Variants in NEK11 observed in about 807,000 individuals in gnomAD.
NEK11 encodes serine/threonine-protein kinase Nek11.
NEK11 carries 72 observed loss-of-function variants against 80.7 expected under a neutral mutation model. That is an observed-to-expected ratio of 0.89 (90% CI 0.74 to 1.08). The LOEUF (loss-of-function observed/expected upper bound fraction) is 1.08, where lower values mean the gene tolerates loss of function less well. NEK11 is among the 50% of genes least tolerant of loss of function. NEK11 has a pLI of 0.00. For missense variants in NEK11, 764 were observed against 763.6 expected (o/e 1.00, Z -0.01); for synonymous variants, 251 against 260.7 (o/e 0.96, Z 0.36).
chr3:131,032,921 A>G (rs893379491), intron 3 of NEK11, among the ~76,000 whole-genome samples: 13 of 152,366 alleles, frequency 8.5e-5, no homozygotes, highest in Middle Eastern at 3.4e-3. Flanking sequence ...AATGACTGCA[A>G]TTGGAAACTT....
intron 5 of NEK11, among the ~76,000 whole-genome samples, chr3:131,123,738 A>G (rs771311999): frequency 6.6e-6 from 1 of 152,058 alleles, no homozygotes; most frequent in Non-Finnish European, 1.5e-5. Flanking sequence ...CTCCAAAGTT[A>G]CAGCACCAAG....
chr3:131,267,383 G>C (rs2096079501), intron 16 of NEK11, among the ~76,000 whole-genome samples: 1 of 152,234 alleles, frequency 6.6e-6, no homozygotes, highest in African/African-American at 2.4e-5. Flanking sequence ...AGGCAGGCCA[G>C]GTGGCGATAA....
At chr3:131,327,165 T>G (rs35615960) in intron 17 of NEK11, 41,838 of 152,218 alleles carry the variant, frequency 0.27, 6,886 homozygotes, top group Middle Eastern at 0.49. Context: ...CAAACTAAGA[T>G]GCCCTGCTTA....
chr3:131,198,883 G>A (rs1022386407), intron 14 of NEK11, among the ~76,000 whole-genome samples: 3 of 152,092 alleles, frequency 2.0e-5, no homozygotes, highest in Non-Finnish European at 4.4e-5. Flanking sequence ...TGGCTATTTC[G>A]CCGTACCTGG....
At chr3:131,319,471 T>C (rs1477629940) in intron 17 of NEK11, among the ~76,000 whole-genome samples, 2 of 152,152 alleles carry the variant, frequency 1.3e-5, no homozygotes, top group Non-Finnish European at 2.9e-5. Context: ...CAGAGTGCCA[T>C]GGAGACTCAG....
At chr3:131,060,114 T>A (rs1279417356) in intron 3 of NEK11, among the ~76,000 whole-genome samples, 6 of 152,150 alleles carry the variant, frequency 3.9e-5, no homozygotes, top group Non-Finnish European at 8.8e-5. Context: ...ACACAGAATA[T>A]TATGGATATT....
intron 5 of NEK11, among the ~76,000 whole-genome samples, chr3:131,123,282 T>G (rs1301089231): frequency 1.3e-5 from 2 of 152,152 alleles, no homozygotes; most frequent in Non-Finnish European, 2.9e-5. Context: ...TTCTCCTGCC[T>G]CAACCTCCCA....
At chr3:131,225,614 G>C (rs1351012149) in intron 14 of NEK11, among the ~76,000 whole-genome samples, 2 of 152,144 alleles carry the variant, frequency 1.3e-5, no homozygotes, top group Non-Finnish European at 2.9e-5. Context: ...AAATAACACA[G>C]TGTTACAGAG....
intron 17 of NEK11, among the ~76,000 whole-genome samples, chr3:131,323,407 G>A (rs1173719210): frequency 1.3e-5 from 2 of 152,070 alleles, no homozygotes; most frequent in Non-Finnish European, 2.9e-5. Flanking sequence ...ATGAGGTATC[G>A]ATTCCCCAAT....
intron 3 of NEK11, among the ~76,000 whole-genome samples, chr3:131,052,488 T>TA (rs2068604222): frequency 6.6e-6 from 1 of 152,166 alleles, no homozygotes; most frequent in South Asian, 2.1e-4. Context: ...CTATCAGGGG[T>TA]GTTTTGCTGG....
intron 14 of NEK11, among the ~76,000 whole-genome samples, chr3:131,214,503 A>G (rs754164487): frequency 1.3e-5 from 2 of 152,196 alleles, no homozygotes; most frequent in African/African-American, 2.4e-5. Context: ...GGGGGAGAAA[A>G]GACAAATGTT....
intron 17 of NEK11, among the ~76,000 whole-genome samples, chr3:131,314,652 C>T (rs1267450869): frequency 3.3e-5 from 5 of 152,118 alleles, no homozygotes; most frequent in Non-Finnish European, 5.9e-5. Flanking sequence ...AGCTGAAAAA[C>T]TGGCACAACT....
At chr3:131,302,674 T>C (rs1319061827) in intron 17 of NEK11, among the ~76,000 whole-genome samples, 1 of 152,232 alleles carries the variant, frequency 6.6e-6, no homozygotes, top group East Asian at 1.9e-4. Context: ...GAGATCTCCT[T>C]AGAGATTTCT....
At chr3:131,133,577 A>C (rs1040899860) in intron 6 of NEK11, among the ~76,000 whole-genome samples, 1 of 152,186 alleles carries the variant, frequency 6.6e-6, no homozygotes, top group African/African-American at 2.4e-5. Flanking sequence ...GTTTCCCATA[A>C]TTCCAGAAAT....
intron 17 of NEK11, among the ~76,000 whole-genome samples, chr3:131,311,699 A>G (rs2096783967): frequency 6.6e-6 from 1 of 152,238 alleles, no homozygotes; most frequent in Admixed American, 6.5e-5. Context: ...AGAGTGTGCT[A>G]AGGCAGCTGA....
intron 17 of NEK11, among the ~76,000 whole-genome samples, chr3:131,291,579 A>G (rs1418755377): frequency 2.0e-5 from 3 of 152,236 alleles, no homozygotes; most frequent in African/African-American, 7.2e-5. Flanking sequence ...GCAATGAGTG[A>G]GAGTTCCTGT....
intron 17 of NEK11, among the ~76,000 whole-genome samples, chr3:131,299,002 C>G (rs2096632540): frequency 6.7e-6 from 1 of 150,178 alleles, no homozygotes; most frequent in South Asian, 2.1e-4. Context: ...TCCTCAAGCT[C>G]AGAGATTTTT....
chr3:131,144,563 T>A (rs1208368294), intron 7 of NEK11, among the ~76,000 whole-genome samples: 1 of 152,212 alleles, frequency 6.6e-6, no homozygotes, highest in Non-Finnish European at 1.5e-5. Context: ...CATATGTATT[T>A]TGGTTACCTA....
chr3:131,246,877 A>AT (rs200080473), intron 16 of NEK11, among the ~76,000 whole-genome samples: 1 of 151,796 alleles, frequency 6.6e-6, no homozygotes, highest in Non-Finnish European at 1.5e-5. Context: ...GATGTTGAGC[A>AT]TTTTTTCATA....
Sources: gnomAD v4.1 joint callset for allele counts (sites outside exome capture counted in the v4.1 genomes callset) on GRCh38, gnomAD v4.1.1 for gene constraint, MANE v1.5 for transcripts, NCBI Gene and HGNC (gene_info 2026-07-23, HGNC 2026-07-21) for gene names.